Variants in COBL observed in about 807,000 individuals in gnomAD.
COBL encodes cordon-bleu WH2 repeat protein, also known as protein cordon-bleu.
Under a neutral mutation model 98.8 loss-of-function variants are expected in COBL, and 51 were observed. The ratio of observed to expected loss-of-function variants is 0.52; its 90% CI spans 0.41 to 0.65. COBL has a LOEUF of 0.65. Ranked by LOEUF, COBL falls within the 30% of genes least tolerant of loss-of-function variation. COBL has a pLI of 0.00. For synonymous variants in COBL, 634 were observed against 651.7 expected (o/e 0.97, Z 0.41); for missense variants, 1,617 against 1,617.5 (o/e 1.00, Z 0.01).
intron 7 of COBL, chr7:51,071,703 C>T (rs1792570508): frequency 6.6e-6 from 1 of 152,098 alleles, no homozygotes; most frequent in African/African-American, 2.4e-5. Flanking sequence ...TTTGTGTGCC[C>T]ATCTTTCTTC....
rs56255708 is a variant in COBL at position 51,135,068 on chromosome 7, T to C, written c.957+1090A>G. Among the ~76,000 whole-genome samples, 446 of 152,230 alleles carry C rather than the reference T, an allele frequency of 2.9e-3. 5 individuals carry two copies. Among genetic ancestry groups the C allele is most frequent in the Admixed American group, 0.027 (409 of 15,278 alleles). On this transcript the variant is annotated intron_variant, in intron 6 of 12. Coordinates refer to ENST00000265136, the MANE Select transcript of COBL (RefSeq NM_015198.5). ...ACCTCTGCCTCCTGGGTTCAAGCAA[T>C]TCTCCTGCCTCAGCCTTCTGAGTAG...
intron 1 of COBL, among the ~76,000 whole-genome samples, chr7:51,307,228 G>A (rs1044971422): frequency 5.3e-5 from 8 of 152,072 alleles, no homozygotes; most frequent in Non-Finnish European, 7.4e-5. Context: ...GCAGGCCTGT[G>A]ATCCCAGCTA....
At chr7:51,299,994 C>G (rs1001347570) in intron 1 of COBL, among the ~76,000 whole-genome samples, 1 of 152,170 alleles carries the variant, frequency 6.6e-6, no homozygotes, top group Non-Finnish European at 1.5e-5. Context: ...CACACCTGGA[C>G]TAGTGCTGGC....
At chr7:51,141,005 T>G (rs575851449) in intron 5 of COBL, among the ~76,000 whole-genome samples, 1 of 152,156 alleles carries the variant, frequency 6.6e-6, no homozygotes, top group South Asian at 2.1e-4. Context: ...CTAAGATGGA[T>G]CAATCTGTTC....
chr7:51,086,631 AG>A, intron 6 of COBL, among the ~76,000 whole-genome samples: 1 of 42,878 alleles, frequency 2.3e-5, no homozygotes, highest in East Asian at 3.8e-4. Context: ...AATGAGAGGG[AG>A]AGAGAGAGAG....
chr7:51,278,546 A>T (rs1382750420), intron 1 of COBL, among the ~76,000 whole-genome samples: 2 of 151,756 alleles, frequency 1.3e-5, no homozygotes, highest in Non-Finnish European at 2.9e-5. Flanking sequence ...ACGCCCAGCT[A>T]ATTTTGTATT....
At chr7:51,183,671 C>T (rs932554555) in intron 5 of COBL, among the ~76,000 whole-genome samples, 1 of 152,258 alleles carries the variant, frequency 6.6e-6, no homozygotes, top group African/African-American at 2.4e-5. Flanking sequence ...GACTGATACT[C>T]TTCTCTGCCA....
chr7:51,200,103 A>G (rs1402218879), intron 2 of COBL, among the ~76,000 whole-genome samples: 1 of 152,198 alleles, frequency 6.6e-6, no homozygotes, highest in East Asian at 1.9e-4. Context: ...AGGCCAGGAG[A>G]CAATGGGATG....
chr7:51,307,389 A>T (rs1802588200), intron 1 of COBL, among the ~76,000 whole-genome samples: 1 of 114,354 alleles, frequency 8.7e-6, no homozygotes, highest in Non-Finnish European at 2.2e-5. Flanking sequence ...AAAAAAGGAG[A>T]GGACAGTACT....
chr7:51,277,355 C>G (rs1270530207), intron 1 of COBL, among the ~76,000 whole-genome samples: 1 of 152,152 alleles, frequency 6.6e-6, no homozygotes, highest in Non-Finnish European at 1.5e-5. Context: ...CACACATGTG[C>G]TTGTGAGGGA....
intron 1 of COBL, among the ~76,000 whole-genome samples, chr7:51,302,679 C>T (rs1298321217): frequency 6.6e-6 from 1 of 151,664 alleles, no homozygotes; most frequent in Non-Finnish European, 1.5e-5. Context: ...GGGAGGATTG[C>T]TTAAGGCCAG....
At chr7:51,147,816 T>A (rs1001690490) in intron 5 of COBL, among the ~76,000 whole-genome samples, 1 of 151,916 alleles carries the variant, frequency 6.6e-6, no homozygotes, top group South Asian at 2.1e-4. Context: ...AGTGGCGCGA[T>A]CTCGGCTCAC....
intron 1 of COBL, among the ~76,000 whole-genome samples, chr7:51,268,852 C>A (rs1190361800): frequency 6.6e-6 from 1 of 150,800 alleles, no homozygotes; most frequent in Admixed American, 6.6e-5. Context: ...ATCGCTCGAA[C>A]TCAGGAGGTG....
intron 1 of COBL, among the ~76,000 whole-genome samples, chr7:51,285,556 A>G (rs951571590): frequency 9.9e-5 from 15 of 152,240 alleles, no homozygotes; most frequent in Non-Finnish European, 1.5e-4. Context: ...GTATTTAGGT[A>G]TAAGTCTAGT....
chr7:51,092,785 G>A (rs1236873191), intron 6 of COBL, among the ~76,000 whole-genome samples: 1 of 152,036 alleles, frequency 6.6e-6, no homozygotes, highest in African/African-American at 2.4e-5. Flanking sequence ...AGTAATTTAA[G>A]AATTGTTTTT....
At position 51,085,171 on chromosome 7, in the gene COBL, G is replaced by T. The variant is rs200839538; in HGVS notation, c.1091C>A (p.Thr364Lys). 1.9e-6 allele frequency: 3 copies of T among 1,613,724 alleles called. No homozygotes were observed. In the African/African-American group the frequency reaches 4.0e-5, roughly 22 times the overall value. Residue 364 changes from threonine (T) to lysine (K), a missense_variant, in exon 7 of 13, where the codon ACG (threonine) becomes AAG (lysine). Transcript: ENST00000265136. The stretch of plus-strand genomic sequence containing the variant: ...GCAGGCCGAGCCTCACTCACCCATC[G>T]TGCTCTTCCTGTTCTCCTCCTTATC... ...TEDKEENRKSTMVSLPLGSGS... is the reference protein window; with the variant it reads ...TEDKEENRKSKMVSLPLGSGS...
chr7:51,078,013 ACCCATGTGTAGTGCG>A (rs975184235), intron 7 of COBL, among the ~76,000 whole-genome samples: 1 of 152,164 alleles, frequency 6.6e-6, no homozygotes, highest in African/African-American at 2.4e-5. Context: ...GAAGGCTGCA[ACCCATGTGTAGTGCG>A]CACTGCTGGC....
At chr7:51,265,184 G>A (rs576778657) in intron 1 of COBL, among the ~76,000 whole-genome samples, 16 of 152,314 alleles carry the variant, frequency 1.1e-4, no homozygotes, top group East Asian at 3.9e-4. Context: ...TTTAACAACC[G>A]CGTGCTCATC....
intron 4 of COBL, among the ~76,000 whole-genome samples, chr7:51,185,168 A>C (rs1470496460): frequency 1.3e-5 from 2 of 152,222 alleles, no homozygotes; most frequent in Non-Finnish European, 2.9e-5. Context: ...CTGTCAGCTG[A>C]CAAGACAGCC....
Sources: gnomAD v4.1 joint callset for allele counts (sites outside exome capture counted in the v4.1 genomes callset) on GRCh38, gnomAD v4.1.1 for gene constraint, MANE v1.5 for transcripts, NCBI Gene and HGNC (gene_info 2026-07-23, HGNC 2026-07-21) for gene names.